UNC5D: variants seen among roughly 807,000 people sequenced by gnomAD.
UNC5D encodes netrin receptor UNC5D.
UNC5D carries 39 observed loss-of-function variants against 105.4 expected under a neutral mutation model. The observed-to-expected ratio is 0.37, with a 90% confidence interval of 0.29 to 0.48. The LOEUF (loss-of-function observed/expected upper bound fraction) is 0.48. Among genes scored for constraint, UNC5D ranks in the 20% least tolerant of loss-of-function variants. The pLI is 0.98. For synonymous variants in UNC5D, 452 were observed against 450.4 expected (o/e 1.00, Z -0.04); for missense variants, 991 against 1,202.4 (o/e 0.82, Z 2.60).
intron 1 of UNC5D, among the ~76,000 whole-genome samples, chr8:35,411,838 A>G (rs1805192983): frequency 6.6e-6 from 1 of 151,954 alleles, no homozygotes; most frequent in Non-Finnish European, 1.5e-5. Flanking sequence ...GGTCCTTGCC[A>G]TATTATATTT....
intron 4 of UNC5D, among the ~76,000 whole-genome samples, chr8:35,622,866 T>TC (rs1821442489): frequency 6.6e-6 from 1 of 152,208 alleles, no homozygotes; most frequent in Admixed American, 6.5e-5. Context: ...CTGTAATAGC[T>TC]CATCCTATTC....
At chr8:35,556,723 G>A (rs1816574027) in intron 2 of UNC5D, among the ~76,000 whole-genome samples, 1 of 152,130 alleles carries the variant, frequency 6.6e-6, no homozygotes, top group South Asian at 2.1e-4. Flanking sequence ...AGCAAAATTA[G>A]GAATGCCTTT....
intron 1 of UNC5D, among the ~76,000 whole-genome samples, chr8:35,316,305 A>G (rs1250306234): frequency 6.6e-6 from 1 of 152,236 alleles, no homozygotes; most frequent in Non-Finnish European, 1.5e-5. Context: ...TTGTTAGTCA[A>G]TAATGAATAA....
intron 1 of UNC5D, among the ~76,000 whole-genome samples, chr8:35,308,434 A>G (rs184932211): frequency 3.3e-5 from 5 of 152,130 alleles, no homozygotes; most frequent in Admixed American, 3.3e-4. Context: ...AGTCCAATTA[A>G]CAAATTTATT....
chr8:35,746,002 A>G (rs1829988055), intron 11 of UNC5D, among the ~76,000 whole-genome samples: 1 of 151,788 alleles, frequency 6.6e-6, no homozygotes. Context: ...TCCACATCCA[A>G]TTAAAGGCTT....
chr8:35,744,026 C>A (rs547797977), intron 11 of UNC5D, among the ~76,000 whole-genome samples: 3 of 152,300 alleles, frequency 2.0e-5, no homozygotes, highest in African/African-American at 7.2e-5. Context: ...TGCTGTTGTC[C>A]TGTGCCTTTG....
intron 1 of UNC5D, among the ~76,000 whole-genome samples, chr8:35,469,162 C>T (rs370536530): frequency 1.3e-5 from 2 of 152,126 alleles, no homozygotes; most frequent in South Asian, 2.1e-4. Context: ...ATTTATCAGA[C>T]CTGTGTAGGT....
At chr8:35,280,477 AATTG>A (rs1415854177) in intron 1 of UNC5D, among the ~76,000 whole-genome samples, 4 of 152,068 alleles carry the variant, frequency 2.6e-5, no homozygotes, top group Non-Finnish European at 5.9e-5. Context: ...TCTGCATTGG[AATTG>A]ATTGTGAGAT....
intron 4 of UNC5D, among the ~76,000 whole-genome samples, chr8:35,677,990 G>T (rs1341714788): frequency 1.3e-5 from 2 of 151,792 alleles, no homozygotes; most frequent in African/African-American, 4.8e-5. Flanking sequence ...GTGTGTGTGT[G>T]TATAGATAGA....
In UNC5D at chr8:35,579,859, C is replaced by T. The variant is rs568915102; in HGVS notation, c.466+11618C>T. 3.9e-5 allele frequency among the ~76,000 whole-genome samples: 6 copies of T among 152,328 alleles called. No individual in the cohort carries two copies. The South Asian group carries it at 1.2e-3, about 32-fold the overall frequency. On this transcript the variant is annotated intron_variant, in intron 3 of 16. Coordinates refer to ENST00000404895, the MANE Select transcript of UNC5D (RefSeq NM_080872.4). ...TCCAAACTCTCAACCCTCCCATTCA[C>T]TGCTGTCAAAGATTTAAGGGGAGCA...
intron 1 of UNC5D, among the ~76,000 whole-genome samples, chr8:35,356,900 G>A (rs924236696): frequency 2.0e-5 from 3 of 152,144 alleles, no homozygotes; most frequent in African/African-American, 7.2e-5. Context: ...AGTGTCCTGG[G>A]TGGGACAGAC....
At chr8:35,701,533 A>G (rs747499711) in intron 7 of UNC5D, among the ~76,000 whole-genome samples, 3 of 151,652 alleles carry the variant, frequency 2.0e-5, no homozygotes, top group Admixed American at 2.0e-4. Context: ...GTTCAGGAGC[A>G]TGGAATATAA....
intron 8 of UNC5D, among the ~76,000 whole-genome samples, chr8:35,717,099 A>G (rs1183436278): frequency 2.6e-5 from 4 of 152,120 alleles, no homozygotes; most frequent in African/African-American, 9.7e-5. Context: ...TTCCTTAGTA[A>G]TTCACTTCCT....
chr8:35,247,627 T>G (rs1389740416), intron 1 of UNC5D, among the ~76,000 whole-genome samples: 1 of 79,290 alleles, frequency 1.3e-5, no homozygotes, highest in Non-Finnish European at 2.2e-5. Context: ...ATATAAAATA[T>G]ATATAATATA....
chr8:35,537,073 A>C (rs1814900933), intron 1 of UNC5D, among the ~76,000 whole-genome samples: 1 of 152,204 alleles, frequency 6.6e-6, no homozygotes, highest in African/African-American at 2.4e-5. Context: ...AAGACAATGA[A>C]ATATATACAT....
chr8:35,547,873 TCACAAGGTGAGGTCC>T (rs1815816840), intron 1 of UNC5D, among the ~76,000 whole-genome samples: 1 of 152,054 alleles, frequency 6.6e-6, no homozygotes, highest in Non-Finnish European at 1.5e-5. Context: ...TGACTCACGA[TCACAAGGTGAGGTCC>T]CACAATAGGC....
chr8:35,696,235 C>T (rs1200922838), intron 7 of UNC5D, among the ~76,000 whole-genome samples: 2 of 151,500 alleles, frequency 1.3e-5, no homozygotes, highest in African/African-American at 2.4e-5. Flanking sequence ...CTCCACATTC[C>T]CAGATTCCAA....
intron 7 of UNC5D, among the ~76,000 whole-genome samples, chr8:35,688,899 T>C (rs543670270): frequency 2.6e-5 from 4 of 152,196 alleles, no homozygotes; most frequent in Non-Finnish European, 5.9e-5. Flanking sequence ...TGACCATGAG[T>C]GGCTTCAAGG....
At chr8:35,592,609 T>C (rs1819238435) in intron 3 of UNC5D, among the ~76,000 whole-genome samples, 1 of 152,194 alleles carries the variant, frequency 6.6e-6, no homozygotes, top group Non-Finnish European at 1.5e-5. Context: ...GTTGGTAAGT[T>C]TACCCTCCTT....
Sources: allele counts gnomAD v4.1 joint callset (sites outside exome capture counted in the v4.1 genomes callset), GRCh38; gene constraint gnomAD v4.1.1; transcripts MANE v1.5; gene names NCBI Gene and HGNC (gene_info 2026-07-23, HGNC 2026-07-21).